The following TRPM3 variants were observed in gnomAD, a reference collection of about 807,000 sequenced individuals.
TRPM3 encodes long transient receptor potential channel 3.
Under a neutral mutation model 181.2 loss-of-function variants are expected in TRPM3, and 77 were observed. The ratio of observed to expected loss-of-function variants is 0.42; its 90% CI spans 0.35 to 0.51. The LOEUF is 0.51. Among genes scored for constraint, TRPM3 ranks in the 20% least tolerant of loss-of-function variants. TRPM3 has a pLI of 0.01. For synonymous variants in TRPM3, 745 were observed against 796.4 expected (o/e 0.94, Z 1.09); for missense variants, 1,759 against 2,196.7 (o/e 0.80, Z 3.98).
intron 1 of TRPM3, among the ~76,000 whole-genome samples, chr9:71,234,138 C>T (rs1038010840): frequency 6.6e-6 from 1 of 152,186 alleles, no homozygotes; most frequent in Non-Finnish European, 1.5e-5. Context: ...TACTCATTCA[C>T]GTGCCTGACT....
chr9:70,875,896 A>T (rs771536225), intron 1 of TRPM3, among the ~76,000 whole-genome samples: 1 of 151,936 alleles, frequency 6.6e-6, no homozygotes, highest in Non-Finnish European at 1.5e-5. Context: ...ATTATTAGGT[A>T]TTAAGTTAAC....
At position 70,841,965 on chromosome 9, in the gene TRPM3, G is replaced by A. The variant is rs186656121; in HGVS notation, c.801+1038C>T. ...GGTGAGGGCTGAAAAATCACCTGTT[G>A]GGTACGATGTTCACTATTCAGGTGA... is the stretch of plus-strand genomic sequence containing the variant. On this transcript the variant is annotated intron_variant, in intron 5 of 25. Transcript: ENST00000677713. 2.6e-3 allele frequency among the ~76,000 whole-genome samples: 396 copies of A among 151,844 alleles called. 6 individuals carry two copies. Among genetic ancestry groups the A allele is most frequent in the African/African-American group, 9.1e-3 (378 of 41,422 alleles).
chr9:71,437,862 C>T (rs955650511), intron 1 of TRPM3, among the ~76,000 whole-genome samples: 10 of 62,440 alleles, frequency 1.6e-4, no homozygotes, highest in Non-Finnish European at 4.0e-4. Flanking sequence ...AGCGAAACTC[C>T]GGAAAAAAAA....
Position 70,654,884 on chromosome 9 carries a change from T to C in TRPM3, c.1346-14224A>G, listed in dbSNP as rs558085200. 3.3e-5 allele frequency among the ~76,000 whole-genome samples: 5 copies of C among 151,482 alleles called. No homozygotes were observed. In the South Asian group the frequency reaches 8.3e-4, roughly 25 times the overall value. Reference sequence around the variant, plus strand: ...ATTTTTAGTAGAGATGGGGTTTCACTGTGTTACCCAGGATGGTCTCGATCT... The same window carrying C: ...ATTTTTAGTAGAGATGGGGTTTCACCGTGTTACCCAGGATGGTCTCGATCT... On this transcript the variant is annotated intron_variant, in intron 9 of 25. Transcript: ENST00000677713.
At chr9:70,649,191 A>C (rs2133756315) in intron 9 of TRPM3, among the ~76,000 whole-genome samples, 7 of 114,306 alleles carry the variant, frequency 6.1e-5, no homozygotes, top group Middle Eastern at 4.4e-3. Context: ...ATGAACAGAC[A>C]CTTTTTTTTT....
chr9:71,067,777 T>C (rs906218647), intron 1 of TRPM3, among the ~76,000 whole-genome samples: 2 of 152,196 alleles, frequency 1.3e-5, no homozygotes, highest in Non-Finnish European at 2.9e-5. Context: ...GTCACCTTCA[T>C]GTACTATTTT....
intron 1 of TRPM3, among the ~76,000 whole-genome samples, chr9:71,111,780 T>C (rs2071161836): frequency 6.6e-6 from 1 of 152,222 alleles, no homozygotes; most frequent in African/African-American, 2.4e-5. Context: ...TCCAATATTT[T>C]CTTCTAGCGA....
chr9:70,701,175 A>G (rs2072424300), intron 8 of TRPM3, among the ~76,000 whole-genome samples: 1 of 152,238 alleles, frequency 6.6e-6, no homozygotes, highest in Admixed American at 6.5e-5. Context: ...AACGTTTCTA[A>G]AAAGGAATAG....
intron 6 of TRPM3, among the ~76,000 whole-genome samples, chr9:70,785,327 G>C (rs1193439617): frequency 6.6e-6 from 1 of 152,164 alleles, no homozygotes. Context: ...TGAGAGACAT[G>C]ATGACAAAGA....
intron 8 of TRPM3, among the ~76,000 whole-genome samples, chr9:70,742,038 TTTTA>T (rs1256080123): frequency 1.3e-5 from 2 of 152,118 alleles, no homozygotes; most frequent in African/African-American, 4.8e-5. Context: ...TCCTTTTGTT[TTTTA>T]AAGTTTTTTA....
At position 70,633,187 on chromosome 9, in the gene TRPM3, G is replaced by A. The variant is rs2066213038; in HGVS notation, c.1632+2024C>T. Among the ~76,000 whole-genome samples, 4 of 152,270 alleles carry A rather than the reference G, an allele frequency of 2.6e-5. No homozygotes were observed. In the South Asian group the frequency reaches 8.3e-4, roughly 32 times the overall value. On this transcript the variant is annotated intron_variant, in intron 12 of 25. Transcript: ENST00000677713. ...CTTCAGGGACAGAGATTAACTTAAG[G>A]TGAAGGAGAGAATACTCCAAGTCAT...
intron 22 of TRPM3, among the ~76,000 whole-genome samples, chr9:70,576,508 CTT>C (rs897195308): frequency 1.3e-4 from 18 of 138,796 alleles, no homozygotes; most frequent in Admixed American, 1.4e-4. Flanking sequence ...CCTCCTTCTT[CTT>C]TTTTTTTTTT....
intron 1 of TRPM3, among the ~76,000 whole-genome samples, chr9:71,139,886 G>A (rs1034950480): frequency 1.8e-4 from 27 of 152,084 alleles, no homozygotes; most frequent in African/African-American, 6.0e-4. Context: ...GGTCAATCAG[G>A]GAAATAAATG....
intron 8 of TRPM3, among the ~76,000 whole-genome samples, chr9:70,742,140 T>A (rs1217937783): frequency 1.3e-5 from 2 of 152,148 alleles, no homozygotes; most frequent in African/African-American, 4.8e-5. Flanking sequence ...AACATAATTA[T>A]GTATGTTATT....
intron 1 of TRPM3, among the ~76,000 whole-genome samples, chr9:70,919,157 A>C (rs1227226130): frequency 6.6e-6 from 1 of 152,202 alleles, no homozygotes; most frequent in East Asian, 1.9e-4. Flanking sequence ...TTTCACCCTC[A>C]GTAAAAAATC....
At chr9:70,832,695 T>C (rs571371862) in intron 5 of TRPM3, among the ~76,000 whole-genome samples, 2 of 152,196 alleles carry the variant, frequency 1.3e-5, no homozygotes, top group Non-Finnish European at 2.9e-5. Flanking sequence ...GCTTCATTTG[T>C]GTTTTCTGCA....
At chr9:71,014,232 A>AC (rs2097767180) in intron 1 of TRPM3, among the ~76,000 whole-genome samples, 3 of 151,898 alleles carry the variant, frequency 2.0e-5, no homozygotes, top group Non-Finnish European at 4.4e-5. Flanking sequence ...CATTTTTGTT[A>AC]TTTCTTGTTC....
chr9:70,644,523 A>G (rs978179013), intron 9 of TRPM3, among the ~76,000 whole-genome samples: 2 of 152,030 alleles, frequency 1.3e-5, no homozygotes, highest in Non-Finnish European at 2.9e-5. Flanking sequence ...CATGCTAAAA[A>G]CTCTCAATAA....
intron 8 of TRPM3, among the ~76,000 whole-genome samples, chr9:70,741,550 T>C (rs1323708450): frequency 6.6e-6 from 1 of 152,094 alleles, no homozygotes; most frequent in Non-Finnish European, 1.5e-5. Flanking sequence ...TTTGCAATTG[T>C]GAAAATATTG....
Sources: gnomAD v4.1 joint callset for allele counts (sites outside exome capture counted in the v4.1 genomes callset) on GRCh38, gnomAD v4.1.1 for gene constraint, MANE v1.5 for transcripts, NCBI Gene and HGNC (gene_info 2026-07-23, HGNC 2026-07-21) for gene names.